ZNF383: variants seen among roughly 807,000 people sequenced by gnomAD.
ZNF383 encodes the protein zinc finger protein 383.
Under a neutral mutation model 44.2 loss-of-function variants are expected in ZNF383, and 32 were observed. That is an observed-to-expected ratio of 0.72 (90% CI 0.55 to 0.97). The LOEUF (loss-of-function observed/expected upper bound fraction) is 0.97, where lower values mean the gene tolerates loss of function less well. Among genes scored for constraint, ZNF383 ranks in the 50% least tolerant of loss-of-function variants. The pLI, the probability that ZNF383 is intolerant of heterozygous loss-of-function variation, is 0.00. For missense variants in ZNF383, 487 were observed against 562.5 expected (o/e 0.87, Z 1.36); for synonymous variants, 155 against 186.2 (o/e 0.83, Z 1.36).
intron 4 of ZNF383, 129 bp downstream of exon 4, chr19:37,235,804 A>T: frequency 7.4e-7 from 1 of 1,358,346 alleles, no homozygotes; most frequent in Non-Finnish European, 1.0e-6. Context: ...AAATGGTTTG[A>T]GCTGAAATGA....
chr19:37,226,346 A>G (rs1209044037), intron 2 of ZNF383: 1 of 152,192 alleles, frequency 6.6e-6, no homozygotes, highest in Non-Finnish European at 1.5e-5. Flanking sequence ...ATGAACCCAC[A>G]TGGACACTCA....
intron 5 of ZNF383, among the ~76,000 whole-genome samples, chr19:37,238,945 A>G (rs1025738811): frequency 6.6e-6 from 1 of 152,248 alleles, no homozygotes; most frequent in African/African-American, 2.4e-5. Flanking sequence ...TTTGAGACGG[A>G]GTCTCACTCT....
At chr19:37,241,914 G>A (rs1041844681) in intron 5 of ZNF383, among the ~76,000 whole-genome samples, 2 of 147,572 alleles carry the variant, frequency 1.4e-5, no homozygotes, top group Non-Finnish European at 3.0e-5. Context: ...ATGTACACAC[G>A]CATACTTATA....
At chr19:37,235,420 A>G (rs320879) in intron 3 of ZNF383, 129 bp from the exon 4 acceptor site, 283,277 of 876,128 alleles carry the variant, frequency 0.32, 50,996 homozygotes, top group African/African-American at 0.66. Flanking sequence ...CTATTTCTGA[A>G]ATCTAAAGAT....
chr19:37,236,324 T>TA (rs984352668), intron 5 of ZNF383, among the ~76,000 whole-genome samples: 46 of 151,874 alleles, frequency 3.0e-4, no homozygotes, highest in African/African-American at 8.9e-4. Flanking sequence ...TTTACTTCTC[T>TA]AAAAAAAACC....
rs202009832 is a variant in ZNF383 at position 37,242,902 on chromosome 19, C to T, written c.666C>T (p.Gly222=). 6.9e-5 allele frequency: 111 copies of T among 1,613,676 alleles called. No homozygotes were observed. Among genetic ancestry groups the T allele is most frequent in the Non-Finnish European group, 8.4e-5 (99 of 1,179,914 alleles). The change falls in exon 6 of 6, where the codon GGC becomes GGT. Residue 222 remains glycine, a synonymous_variant. Transcript: ENST00000684119. The part of the protein sequence containing the change: ...HVTRHLKIHT[G]EKPFECKECG... ...CTCGGCATCTGAAAATTCATACTGG[C>T]GAAAAACCCTTTGAATGTAAGGAAT...
intron 3 of ZNF383, 56 bp downstream of exon 3, chr19:37,230,518 A>G: frequency 6.8e-7 from 1 of 1,467,154 alleles, no homozygotes; most frequent in Non-Finnish European, 9.5e-7. Context: ...AAAAAAAAAG[A>G]CATGAGCATT....
Position 37,243,111 on chromosome 19 carries a change from C to T in ZNF383, c.875C>T (p.Thr292Ile), listed in dbSNP as rs1388648206. The change falls in exon 6 of 6, where the codon ACT (threonine) becomes ATT (isoleucine). Residue 292 changes from threonine to isoleucine, a missense_variant. Transcript: ENST00000684119. ...TGTAAAGTATGTGGGAAAGCCTTTA[C>T]TAAGAGCTCACAACTTTTTCAGCAT... ...YECKVCGKAF[T>I]KSSQLFQHAR... 7 of 1,613,956 alleles carry T rather than the reference C, an allele frequency of 4.3e-6. No homozygotes were observed. The highest frequency in any genetic ancestry group is 5.9e-6 in the Non-Finnish European group (7 of 1,179,984).
intron 1 of ZNF383, among the ~76,000 whole-genome samples, chr19:37,224,466 A>G (rs1233989161): frequency 6.6e-6 from 1 of 152,156 alleles, no homozygotes; most frequent in Non-Finnish European, 1.5e-5. Flanking sequence ...GTTCCACAAA[A>G]TAAGCTCATT....
At chr19:37,235,422 T>C in intron 3 of ZNF383, 127 bp from the exon 4 acceptor site, 1 of 907,310 alleles carries the variant, frequency 1.1e-6, no homozygotes, top group East Asian at 2.7e-5. Context: ...ATTTCTGAAA[T>C]CTAAAGATAC....
At chr19:37,221,491 G>C (rs1972914198) in intron 1 of ZNF383, among the ~76,000 whole-genome samples, 1 of 152,060 alleles carries the variant, frequency 6.6e-6, no homozygotes, top group South Asian at 2.1e-4. Flanking sequence ...TAAGGTGGGA[G>C]GATTGTTTGA....
At position 37,243,560 on chromosome 19, in the gene ZNF383, A is replaced by C; in HGVS notation, c.1324A>C (p.Arg442=). 2 of 1,614,048 alleles carry C rather than the reference A, an allele frequency of 1.2e-6. No homozygotes were observed. The highest frequency in any genetic ancestry group is 1.7e-6 in the Non-Finnish European group (2 of 1,179,972). ...ATGCTCAAACCTTACTCGACATCTG[A>C]GAATTCACACTGGTGAAAAGCCCTA... ...NKCSNLTRHL[R]IHTGEKPYNC... Residue 442 remains arginine, a synonymous_variant, in exon 6 of 6, where the codon AGA becomes CGA. Coordinates refer to ENST00000684119, the MANE Select transcript of ZNF383 (RefSeq NM_001387601.1).
intron 1 of ZNF383, among the ~76,000 whole-genome samples, chr19:37,224,046 GA>G (rs1276582509): frequency 2.0e-5 from 3 of 151,238 alleles, no homozygotes; most frequent in African/African-American, 7.3e-5. Context: ...AAAAAAAAAA[GA>G]AAAAAATTAA....
intron 5 of ZNF383, among the ~76,000 whole-genome samples, chr19:37,238,368 A>C (rs183178032): frequency 1.7e-3 from 254 of 150,210 alleles, no homozygotes; most frequent in Non-Finnish European, 3.0e-3. Flanking sequence ...GTATAGTATA[A>C]ATATATATCA....
At chr19:37,241,157 T>C (rs1292837008) in intron 5 of ZNF383, among the ~76,000 whole-genome samples, 2 of 152,140 alleles carry the variant, frequency 1.3e-5, no homozygotes, top group Non-Finnish European at 2.9e-5. Flanking sequence ...CCTTATTCTG[T>C]TTCCACCCCA....
intron 2 of ZNF383, among the ~76,000 whole-genome samples, chr19:37,228,381 A>G (rs1017158246): frequency 6.6e-6 from 1 of 151,504 alleles, no homozygotes; most frequent in Non-Finnish European, 1.5e-5. Context: ...AAAGATTATT[A>G]TTGGAATAAA....
chr19:37,232,861 A>G (rs1973566517), intron 3 of ZNF383, among the ~76,000 whole-genome samples: 1 of 152,202 alleles, frequency 6.6e-6, no homozygotes, highest in Admixed American at 6.5e-5. Flanking sequence ...TTTTAATATG[A>G]TCAGTCCGTT....
intron 2 of ZNF383, among the ~76,000 whole-genome samples, chr19:37,227,275 C>T (rs991378887): frequency 2.6e-5 from 4 of 151,930 alleles, no homozygotes; most frequent in South Asian, 2.1e-4. Flanking sequence ...CCACCACGCC[C>T]GGCTAATTTT....
Position 37,243,151 on chromosome 19 carries a change from A to T in ZNF383, c.915A>T (p.Thr305=), listed in dbSNP as rs759024762. 19 of 1,614,108 alleles carry T rather than the reference A, an allele frequency of 1.2e-5. No homozygotes were observed. The South Asian group carries it at 2.0e-4, about 17-fold the overall frequency. Residue 305 remains threonine, a synonymous_variant, in exon 6 of 6, where the codon ACA becomes ACT. Coordinates refer to ENST00000684119, the MANE Select transcript of ZNF383 (RefSeq NM_001387601.1). ...SQLFQHARIH[T]GEKPYECKEC... ...TTTTTCAGCATGCACGAATTCATAC[A>T]GGTGAGAAACCCTATGAATGTAAGG...
Sources: gnomAD v4.1 joint callset for allele counts (sites outside exome capture counted in the v4.1 genomes callset) on GRCh38, gnomAD v4.1.1 for gene constraint, MANE v1.5 for transcripts, NCBI Gene and HGNC (gene_info 2026-07-23, HGNC 2026-07-21) for gene names.